PSG11: variants seen among roughly 807,000 people sequenced by gnomAD.
The protein encoded by PSG11 is pregnancy-specific beta-1-glycoprotein 11.
Under a neutral mutation model 36.0 loss-of-function variants are expected in PSG11, and 42 were observed. The ratio of observed to expected loss-of-function variants is 1.17; its 90% CI spans 0.91 to 1.51. The LOEUF is 1.51. Among genes scored for constraint, PSG11 ranks in the 40% most tolerant of loss-of-function variants. The pLI is 0.00. For missense variants in PSG11, 558 were observed against 403.5 expected, an observed-to-expected ratio of 1.38 and a Z score of -3.28; for synonymous variants, 206 against 153.5, an observed-to-expected ratio of 1.34 and a Z score of -2.53.
chr19:43,024,541 T>C, intron 2 of PSG11, 150 bp downstream of exon 2: 1 of 1,444,970 alleles, frequency 6.9e-7, no homozygotes, highest in Non-Finnish European at 9.5e-7. Flanking sequence ...TTGTCTCCTC[T>C]GTGTGTGTCC....
At chr19:43,012,117 A>G (rs1300005278) in intron 4 of PSG11, among the ~76,000 whole-genome samples, 1 of 151,272 alleles carries the variant, frequency 6.6e-6, no homozygotes, top group African/African-American at 2.4e-5. Flanking sequence ...ATTTTTTCAT[A>G]AGAAAAACAT....
intron 2 of PSG11, among the ~76,000 whole-genome samples, chr19:43,020,491 A>G (rs1006124015): frequency 6.6e-6 from 1 of 151,242 alleles, no homozygotes; most frequent in African/African-American, 2.4e-5. Context: ...TTCTGACTCT[A>G]GTAACAAAAA....
rs1393534495 is a variant in PSG11 at position 43,018,926 on chromosome 19, G to A, written c.553C>T (p.Gln185Ter). ...ATCCTATGAGTCATAGGGAGGCTCT[G>A]ACCATTCATCCACCACAGGTAGCTT... Reference protein sequence around the residue: ...DASYLWWMNGQSLPMTHRMQL... With the variant: ...DASYLWWMNG Residue 185 changes from glutamine (Q) to a stop codon, truncating the protein, a stop_gained, in exon 3 of 6, where the codon CAG (glutamine) becomes TAG (stop). Transcript: ENST00000320078. LOFTEE classifies it high-confidence loss of function. 1 of 1,612,112 alleles carries A rather than the reference G, an allele frequency of 6.2e-7. No homozygotes were observed. Among genetic ancestry groups the A allele is most frequent in the Non-Finnish European group, 8.5e-7 (1 of 1,179,118 alleles).
intron 2 of PSG11, among the ~76,000 whole-genome samples, chr19:43,023,747 A>G (rs746718652): frequency 7.3e-5 from 11 of 151,150 alleles, no homozygotes; most frequent in East Asian, 3.9e-4. Context: ...TGTGACTCTG[A>G]TTCAGTGACT....
intron 2 of PSG11, chr19:43,019,373 C>T (rs920619760): frequency 5.2e-6 from 2 of 382,454 alleles, no homozygotes; most frequent in South Asian, 4.4e-5. Context: ...CCTGGCCCAC[C>T]TTTTGGTCCT....
At chr19:43,008,812 C>A (rs1170145023) in intron 5 of PSG11, among the ~76,000 whole-genome samples, 1 of 151,204 alleles carries the variant, frequency 6.6e-6, no homozygotes, top group Non-Finnish European at 1.5e-5. Flanking sequence ...AATTCCAGTA[C>A]TTCTAGCTGA....
chr19:43,026,180 A>T (rs1214507276), intron 1 of PSG11, 129 bp downstream of exon 1: 3 of 1,407,262 alleles, frequency 2.1e-6, no homozygotes, highest in African/African-American at 2.9e-5. Flanking sequence ...TGATCTCGTG[A>T]TCCACCCACC....
intron 4 of PSG11, among the ~76,000 whole-genome samples, chr19:43,011,732 A>T (rs1009131868): frequency 6.6e-6 from 1 of 150,836 alleles, no homozygotes; most frequent in Non-Finnish European, 1.5e-5. Context: ...CAAAAAAATT[A>T]AAAAGCCAAC....
intron 3 of PSG11, chr19:43,017,663 G>C (rs1057321688): frequency 2.0e-5 from 3 of 151,356 alleles, no homozygotes; most frequent in Non-Finnish European, 4.4e-5. Context: ...TGGGATTCTA[G>C]TAGGGGTTGC....
intron 2 of PSG11, among the ~76,000 whole-genome samples, chr19:43,022,591 T>A (rs1967127972): frequency 6.6e-6 from 1 of 151,414 alleles, no homozygotes; most frequent in Non-Finnish European, 1.5e-5. Context: ...AATCACCATT[T>A]CAATAAATTT....
At position 43,024,638 on chromosome 19, in the gene PSG11, T is replaced by A. The variant is rs199866948; in HGVS notation, c.430+53A>T. 3.2e-4 allele frequency: 520 copies of A among 1,608,930 alleles called. 11 individuals carry two copies. Among genetic ancestry groups the A allele is most frequent in the Middle Eastern group, 2.1e-3 (13 of 6,048 alleles). On this transcript the variant is annotated intron_variant, in intron 2 of 5. Transcript: ENST00000320078. Reference sequence around the variant, plus strand: ...AGGCCTGACAATCCTGTGTGTGTGATGTAGAAGTGACCCCTGTCCCCCAAC... The same window carrying A: ...AGGCCTGACAATCCTGTGTGTGTGAAGTAGAAGTGACCCCTGTCCCCCAAC...
At chr19:43,019,096 C>A (rs1462209237) in intron 2 of PSG11, 48 bp from the exon 3 acceptor site, 2 of 1,584,890 alleles carry the variant, frequency 1.3e-6, no homozygotes, top group Non-Finnish European at 1.7e-6. Flanking sequence ...ACCTTTGATT[C>A]CTCCAAAGGC....
chr19:43,008,519 A>G (rs1034330893), intron 5 of PSG11, among the ~76,000 whole-genome samples: 1 of 151,164 alleles, frequency 6.6e-6, no homozygotes, highest in African/African-American at 2.4e-5. Context: ...CTTATGATCC[A>G]CCCACCTCAG....
At chr19:43,011,806 G>A (rs1454136506) in intron 4 of PSG11, among the ~76,000 whole-genome samples, 2 of 150,496 alleles carry the variant, frequency 1.3e-5, no homozygotes, top group Non-Finnish European at 1.5e-5. Context: ...AAGGAGAATT[G>A]CTTGAGCCCA....
At chr19:43,024,483 G>A in intron 2 of PSG11, 2 of 755,712 alleles carry the variant, frequency 2.6e-6, no homozygotes, top group Admixed American at 5.0e-5. Context: ...TCTGCAGCGA[G>A]TGTCTGCAGG....
chr19:43,018,351 G>A (rs961084691), intron 3 of PSG11: 11 of 334,374 alleles, frequency 3.3e-5, no homozygotes, highest in African/African-American at 2.3e-4. Context: ...GGAAGAAATG[G>A]TGAGGGCATC....
At chr19:43,016,456 G>A (rs1333421849) in intron 3 of PSG11, among the ~76,000 whole-genome samples, 1 of 151,128 alleles carries the variant, frequency 6.6e-6, no homozygotes, top group African/African-American at 2.4e-5. Flanking sequence ...TTTCTCTGCA[G>A]CTTCCATTTC....
chr19:43,020,452 G>A (rs558022485), intron 2 of PSG11, among the ~76,000 whole-genome samples: 1 of 151,304 alleles, frequency 6.6e-6, no homozygotes, highest in Admixed American at 6.6e-5. Flanking sequence ...CCCATAAAAA[G>A]TTGTCAGGAG....
rs1455177288 is a variant in PSG11, at chr19:43,020,348, G to A, written c.431-1300C>T. On this transcript the variant is annotated intron_variant, in intron 2 of 5. Coordinates refer to ENST00000320078, the MANE Select transcript of PSG11 (RefSeq NM_002785.3). ...ATGCGCCAGTGAGCACTTCTTTTTA[G>A]CATCACATCAGTGGTCAGAAGTGTA... 4.6e-5 allele frequency among the ~76,000 whole-genome samples: 7 copies of A among 151,288 alleles called. 1 individual carries two copies. The highest frequency in any genetic ancestry group is 3.9e-4 in the East Asian group (2 of 5,188).
Sources: allele counts gnomAD v4.1 joint callset (sites outside exome capture counted in the v4.1 genomes callset), GRCh38; gene constraint gnomAD v4.1.1; transcripts MANE v1.5; gene names NCBI Gene and HGNC (gene_info 2026-07-23, HGNC 2026-07-21).